TAB2: variants seen among roughly 807,000 people sequenced by gnomAD.
TAB2 encodes TGF-beta activated kinase 1 (MAP3K7) binding protein 2, also known as TGF-beta-activated kinase 1 and MAP3K7-binding protein 2.
A neutral mutation model predicts 65.0 loss-of-function variants in TAB2; 3 were observed. The observed-to-expected ratio is 0.05, with a 90% CI of 0.02 to 0.12. The LOEUF is 0.12. TAB2 is among the 10% of genes least tolerant of loss of function. The probability of loss-of-function intolerance (pLI) is 1.00; values close to 1 mark genes in which losing one functional copy is unlikely to be tolerated. For missense variants in TAB2, 623 were observed against 840.3 expected (o/e 0.74, Z 3.20); for synonymous variants, 298 against 285.1 (o/e 1.05, Z -0.46).
chr6:149,282,999 G>T (rs575717820), intron 1 of TAB2, among the ~76,000 whole-genome samples: 1 of 152,022 alleles, frequency 6.6e-6, no homozygotes, highest in Non-Finnish European at 1.5e-5. Flanking sequence ...AACCTTTCAC[G>T]AAGATTTTAT....
chr6:149,331,274 A>G (rs1461096049), intron 1 of TAB2, among the ~76,000 whole-genome samples: 1 of 152,016 alleles, frequency 6.6e-6, no homozygotes, highest in Non-Finnish European at 1.5e-5. Context: ...AATCCCGTGC[A>G]TGTTTTGTTA....
At chr6:149,256,062 C>A (rs1360361931) in intron 1 of TAB2, among the ~76,000 whole-genome samples, 2 of 152,126 alleles carry the variant, frequency 1.3e-5, no homozygotes, top group African/African-American at 2.4e-5. Flanking sequence ...AGCCTCTGAT[C>A]AACCAGTATG....
chr6:149,320,828 A>G (rs987243563), intron 1 of TAB2, among the ~76,000 whole-genome samples: 8 of 152,212 alleles, frequency 5.3e-5, no homozygotes, highest in African/African-American at 1.9e-4. Context: ...AAAAATCCAA[A>G]TTATAATTCC....
At chr6:149,364,004 A>G (rs577972430) in intron 1 of TAB2, among the ~76,000 whole-genome samples, 9 of 152,168 alleles carry the variant, frequency 5.9e-5, no homozygotes, top group African/African-American at 1.9e-4. Context: ...TTTTGCCCCA[A>G]TTTCTAATTC....
At chr6:149,270,538 A>G (rs1248146381) in intron 1 of TAB2, among the ~76,000 whole-genome samples, 2 of 152,250 alleles carry the variant, frequency 1.3e-5, no homozygotes, top group East Asian at 3.8e-4. Context: ...AATGATAAGT[A>G]TATGAGGTCA....
intron 6 of TAB2, among the ~76,000 whole-genome samples, chr6:149,407,550 T>C (rs943736118): frequency 6.6e-6 from 1 of 152,108 alleles, no homozygotes; most frequent in African/African-American, 2.4e-5. Context: ...AAGATAGAAG[T>C]TTGTATGCTG....
chr6:149,375,005 AT>A (rs1411761034), intron 2 of TAB2, among the ~76,000 whole-genome samples: 2 of 152,222 alleles, frequency 1.3e-5, no homozygotes, highest in African/African-American at 4.8e-5. Context: ...GTACAAAGAC[AT>A]TTTTATGCTT....
intron 1 of TAB2, among the ~76,000 whole-genome samples, chr6:149,294,424 T>G (rs544198767): frequency 6.6e-6 from 1 of 152,344 alleles, no homozygotes; most frequent in South Asian, 2.1e-4. Context: ...TTTACTTCTT[T>G]GAAAAGACCG....
intron 6 of TAB2, among the ~76,000 whole-genome samples, chr6:149,408,631 A>G (rs965190470): frequency 3.9e-5 from 6 of 152,214 alleles, no homozygotes; most frequent in Admixed American, 3.3e-4. Flanking sequence ...AAATTCAACA[A>G]TGCATGCTCC....
rs75146100 is a variant in TAB2, at chr6:149,254,737, T to C, written c.-121+35961T>C. On this transcript the variant is annotated intron_variant, in intron 1 of 1. Transcript: ENST00000606202. ...AATAATGAAATCAGTTGAGGTATTT[T>C]CATATGATGGAACATCATAAATCCA... Among the ~76,000 whole-genome samples the C allele has an allele frequency of 3.4e-3, 521 of 152,368 alleles. 3 individuals carry two copies. The highest frequency in any genetic ancestry group is 0.012 in the African/African-American group (497 of 41,588).
chr6:149,399,257 C>A, intron 6 of TAB2, 73 bp downstream of exon 6: 1 of 1,089,852 alleles, frequency 9.2e-7, no homozygotes, highest in Non-Finnish European at 1.4e-6. Flanking sequence ...TCCTGTTCAG[C>A]AACCTTCCTC....
rs1354783150 is a variant in TAB2 at position 149,243,805 on chromosome 6, T to G, written c.-121+25029T>G. ...ATTGAAACGTGCACCTGGGGAGAAG[T>G]GATTGAAGGTTCTTCATTTAAGGGA... On this transcript the variant is annotated intron_variant, in intron 1 of 1. Coordinates refer to the TAB2 transcript ENST00000606202. The G allele has an allele frequency of 2.0e-5, 3 of 152,208 alleles. No homozygotes were observed. The South Asian group carries it at 6.2e-4, about 31-fold the overall frequency. The allele number at this position is 152,208 out of a possible 1,614,324, so 9.4% of individuals were successfully genotyped here.
At chr6:149,325,230 G>A (rs1779565508) in intron 1 of TAB2, among the ~76,000 whole-genome samples, 1 of 152,164 alleles carries the variant, frequency 6.6e-6, no homozygotes, top group Non-Finnish European at 1.5e-5. Context: ...CACACTCTGA[G>A]CCAAGGAGTT....
intron 1 of TAB2, among the ~76,000 whole-genome samples, chr6:149,310,139 G>A (rs1157672845): frequency 6.6e-6 from 1 of 152,064 alleles, no homozygotes; most frequent in Non-Finnish European, 1.5e-5. Context: ...TTGAGGAACA[G>A]TCTGGGCAAT....
intron 1 of TAB2, among the ~76,000 whole-genome samples, chr6:149,258,556 G>T (rs1583051700): frequency 6.6e-6 from 1 of 152,054 alleles, no homozygotes; most frequent in Admixed American, 6.5e-5. Context: ...ACTATTCTTT[G>T]CTGATCATGC....
intron 1 of TAB2, among the ~76,000 whole-genome samples, chr6:149,284,327 G>A (rs1001460369): frequency 6.6e-6 from 1 of 152,072 alleles, no homozygotes; most frequent in African/African-American, 2.4e-5. Context: ...TCCACCACCA[G>A]GAAACCATCC....
intron 1 of TAB2, among the ~76,000 whole-genome samples, chr6:149,241,725 A>C (rs1326730161): frequency 6.6e-6 from 1 of 152,256 alleles, no homozygotes; most frequent in Non-Finnish European, 1.5e-5. Context: ...TGATTTACAG[A>C]TGAAATTGTG....
intron 1 of TAB2, among the ~76,000 whole-genome samples, chr6:149,227,796 T>G (rs1030656852): frequency 3.3e-5 from 5 of 152,164 alleles, no homozygotes; most frequent in African/African-American, 1.2e-4. Flanking sequence ...ATCTGTGAGA[T>G]GGGAGTGGTC....
At chr6:149,279,576 G>C (rs565965342) in intron 1 of TAB2, among the ~76,000 whole-genome samples, 2 of 152,262 alleles carry the variant, frequency 1.3e-5, no homozygotes, top group Non-Finnish European at 2.9e-5. Flanking sequence ...AGAGGGTGGA[G>C]ACCACGGAAG....
Sources: allele counts gnomAD v4.1 joint callset (sites outside exome capture counted in the v4.1 genomes callset), GRCh38; gene constraint gnomAD v4.1.1; transcripts MANE v1.5; gene names NCBI Gene and HGNC (gene_info 2026-07-23, HGNC 2026-07-21).